CCDC12: variants seen among roughly 807,000 people sequenced by gnomAD.
The protein encoded by CCDC12 is coiled-coil domain containing 12.
In CCDC12, 28 loss-of-function variants were observed where a neutral mutation model predicts 25.7. That is an observed-to-expected ratio of 1.09 (90% CI 0.81 to 1.50). The LOEUF (loss-of-function observed/expected upper bound fraction) is 1.50. Ranked by LOEUF, CCDC12 falls within the 40% of genes most tolerant of loss-of-function variation. The probability of loss-of-function intolerance (pLI) is 0.00; values close to 1 mark genes in which losing one functional copy is unlikely to be tolerated. For synonymous variants in CCDC12, 75 were observed against 87.7 expected (o/e 0.86, Z 0.81); for missense variants, 198 against 210.0 (o/e 0.94, Z 0.35).
chr3:46,961,944 G>A (rs1020326206), intron 1 of CCDC12, among the ~76,000 whole-genome samples: 4 of 152,198 alleles, frequency 2.6e-5, no homozygotes, highest in East Asian at 3.9e-4. Context: ...TGATCCCTAC[G>A]CACACCACAC....
At chr3:46,926,595 C>T (rs899705088) in intron 2 of CCDC12, among the ~76,000 whole-genome samples, 2 of 152,124 alleles carry the variant, frequency 1.3e-5, no homozygotes, top group African/African-American at 4.8e-5. Flanking sequence ...CAGAAGCAGG[C>T]TCCCAGGAAA....
At chr3:46,969,307 A>AT (rs2034729950) in intron 1 of CCDC12, among the ~76,000 whole-genome samples, 1 of 151,940 alleles carries the variant, frequency 6.6e-6, no homozygotes, top group African/African-American at 2.4e-5. Context: ...TGCACTGTGC[A>AT]TTTTTTTCTT....
At chr3:46,952,193 G>C (rs1175973189) in intron 1 of CCDC12, among the ~76,000 whole-genome samples, 4 of 152,050 alleles carry the variant, frequency 2.6e-5, no homozygotes, top group African/African-American at 4.8e-5. Context: ...AGAGCAGCTG[G>C]ACCAATAGTA....
intron 1 of CCDC12, among the ~76,000 whole-genome samples, chr3:46,966,298 A>T (rs961435946): frequency 3.3e-5 from 5 of 152,236 alleles, no homozygotes; most frequent in African/African-American, 1.2e-4. Flanking sequence ...AGACGACTTG[A>T]GACCAGGAGT....
intron 2 of CCDC12, among the ~76,000 whole-genome samples, chr3:46,936,474 T>G (rs2033446715): frequency 6.6e-6 from 1 of 152,242 alleles, no homozygotes; most frequent in Non-Finnish European, 1.5e-5. Context: ...TGGCATTTGC[T>G]CTGTTCGTCA....
intron 1 of CCDC12, among the ~76,000 whole-genome samples, chr3:46,967,909 G>A (rs1194412974): frequency 6.6e-6 from 1 of 152,188 alleles, no homozygotes; most frequent in Non-Finnish European, 1.5e-5. Context: ...CTTTAAGAAT[G>A]CATGAATTTA....
At chr3:46,975,841 ATTTT>A (rs11356624) in intron 1 of CCDC12, among the ~76,000 whole-genome samples, 871 of 70,396 alleles carry the variant, frequency 0.012, 10 homozygotes, top group African/African-American at 0.044. Context: ...TTTATTTTCG[ATTTT>A]TTTTTTTTTT....
chr3:46,953,005 G>A (rs539329498), intron 1 of CCDC12, among the ~76,000 whole-genome samples: 13 of 152,262 alleles, frequency 8.5e-5, no homozygotes, highest in African/African-American at 2.4e-4. Context: ...GGTTTCAAGT[G>A]TGTCTAGGGT....
intron 1 of CCDC12, among the ~76,000 whole-genome samples, chr3:46,941,781 A>T (rs1317487691): frequency 6.6e-6 from 1 of 152,198 alleles, no homozygotes; most frequent in African/African-American, 2.4e-5. Context: ...TGGGGAAAGA[A>T]GTTACCAGCA....
intron 1 of CCDC12, among the ~76,000 whole-genome samples, chr3:46,963,812 C>A (rs1240974774): frequency 6.6e-6 from 1 of 152,256 alleles, no homozygotes; most frequent in Non-Finnish European, 1.5e-5. Flanking sequence ...GCTACAACCT[C>A]CACCTCCCAG....
chr3:46,976,383 T>C (rs2034989831), intron 1 of CCDC12: 7 of 1,392,964 alleles, frequency 5.0e-6, no homozygotes, highest in Non-Finnish European at 6.5e-6. Context: ...AGGAGTCAGA[T>C]GGACTGCGGG....
At chr3:46,977,192 G>C (rs2035024422), upstream of CCDC12, among the ~76,000 whole-genome samples, 1 of 152,030 alleles carries the variant, frequency 6.6e-6, no homozygotes, top group South Asian at 2.1e-4. Flanking sequence ...AACCTTCCCT[G>C]GGCCGGGCGC....
rs777119420 is a variant in CCDC12 at position 46,925,509 on chromosome 3, G to A, written c.191C>T (p.Pro64Leu). The A allele has an allele frequency of 1.6e-5, 25 of 1,597,512 alleles. No homozygotes were observed. Among genetic ancestry groups the A allele is most frequent in the Admixed American group, 3.4e-5 (2 of 59,382 alleles). The change falls in exon 3 of 7, where the codon CCG becomes CTG. Residue 64 changes from proline to leucine, a missense_variant. Coordinates refer to ENST00000683445, the MANE Select transcript of CCDC12 (RefSeq NM_001277074.2). ...HRELRLRNYV[P>L]EDEDLKKRRV... ...CCTCTTCTTCAGGTCCTCATCCTCC[G>A]GGACATAGTTCCGCAGCCTAAGTTC... is the stretch of plus-strand genomic sequence containing the variant.
At chr3:46,922,663 C>T in intron 5 of CCDC12, 1 of 366,906 alleles carries the variant, frequency 2.7e-6, no homozygotes, top group South Asian at 3.0e-5. Context: ...GCTCCTCCTC[C>T]AGCCACCGGC....
intron 1 of CCDC12, among the ~76,000 whole-genome samples, chr3:46,968,220 C>A (rs1489939024): frequency 6.6e-6 from 1 of 152,192 alleles, no homozygotes; most frequent in Non-Finnish European, 1.5e-5. Flanking sequence ...CACTCACACT[C>A]CACCTCGGCT....
At chr3:46,979,723 C>G (rs1269236547), upstream of CCDC12, 1 of 309,380 alleles carries the variant, frequency 3.2e-6, no homozygotes, top group Non-Finnish European at 5.9e-6. Flanking sequence ...GCCACAGCCG[C>G]AGACTTCCCC....
intron 2 of CCDC12, among the ~76,000 whole-genome samples, chr3:46,926,142 G>A (rs553762171): frequency 2.0e-5 from 3 of 152,346 alleles, no homozygotes; most frequent in African/African-American, 7.2e-5. Context: ...GTGACATGTG[G>A]ACAGAGAAGC....
At chr3:46,924,981 G>C (rs550472291) in intron 3 of CCDC12, 1 of 317,694 alleles carries the variant, frequency 3.1e-6, no homozygotes, top group South Asian at 2.7e-5. Context: ...GCCATGGCAA[G>C]AGTCTAGGCA....
intron 1 of CCDC12, among the ~76,000 whole-genome samples, chr3:46,943,910 G>C (rs142758682): frequency 6.6e-6 from 1 of 152,170 alleles, no homozygotes; most frequent in Admixed American, 6.5e-5. Flanking sequence ...CCACACAAGT[G>C]GGGGAGATAA....
Sources: allele counts gnomAD v4.1 joint callset (sites outside exome capture counted in the v4.1 genomes callset), GRCh38; gene constraint gnomAD v4.1.1; transcripts MANE v1.5; gene names NCBI Gene and HGNC (gene_info 2026-07-23, HGNC 2026-07-21).